PAIP2: variants seen among roughly 807,000 people sequenced by gnomAD.
PAIP2 encodes the protein polyadenylate-binding protein-interacting protein 2.
PAIP2 carries 7 observed loss-of-function variants against 14.8 expected under a neutral mutation model. That is an observed-to-expected ratio of 0.47 (90% CI 0.27 to 0.89). PAIP2 has a LOEUF of 0.89. Ranked by LOEUF, PAIP2 falls within the 40% of genes least tolerant of loss-of-function variation. The pLI, the probability that PAIP2 is intolerant of heterozygous loss-of-function variation, is 0.13. For missense variants in PAIP2, 122 were observed against 154.7 expected, an observed-to-expected ratio of 0.79 and a Z score of 1.12; for synonymous variants, 47 against 45.3, an observed-to-expected ratio of 1.04 and a Z score of -0.15.
At chr5:139,343,650 C>T (rs1256422949) in intron 1 of PAIP2, among the ~76,000 whole-genome samples, 1 of 150,556 alleles carries the variant, frequency 6.6e-6, no homozygotes, top group African/African-American at 2.4e-5. Flanking sequence ...AAAACATTTT[C>T]TTGTAATTTA....
intron 2 of PAIP2, among the ~76,000 whole-genome samples, 192 bp from the exon 3 acceptor site, chr5:139,364,372 G>A (rs1757155705): frequency 6.6e-6 from 1 of 152,014 alleles, no homozygotes; most frequent in South Asian, 2.1e-4. Flanking sequence ...ACTAATAAAA[G>A]TAAAAACATA....
intron 1 of PAIP2, chr5:139,342,446 G>A (rs1037672712): frequency 6.6e-6 from 1 of 152,150 alleles, no homozygotes; most frequent in African/African-American, 2.4e-5. Context: ...CCGAGGCTGG[G>A]GTTTGGGGAG....
At chr5:139,342,160 C>T (rs1437467407) in intron 1 of PAIP2, among the ~76,000 whole-genome samples, 180 bp downstream of exon 1, 1 of 152,114 alleles carries the variant, frequency 6.6e-6, no homozygotes, top group African/African-American at 2.4e-5. Context: ...CCGACTTCGT[C>T]TCTGTCTTCT....
intron 1 of PAIP2, among the ~76,000 whole-genome samples, chr5:139,354,330 A>G (rs1378088408): frequency 1.3e-5 from 2 of 151,960 alleles, no homozygotes; most frequent in African/African-American, 2.4e-5. Flanking sequence ...TTCTTTCAGC[A>G]TTTTGAATAT....
At chr5:139,347,570 G>A (rs1756591114) in intron 1 of PAIP2, among the ~76,000 whole-genome samples, 1 of 152,026 alleles carries the variant, frequency 6.6e-6, no homozygotes, top group Admixed American at 6.6e-5. Context: ...CACCACGCCA[G>A]GCCATACAAC....
chr5:139,354,524 GCTT>G lies in PAIP2; in HGVS notation c.-26-9231_-26-9229del, dbSNP rs1756847386. Among the ~76,000 whole-genome samples the G allele has an allele frequency of 2.6e-5, 4 of 152,250 alleles. No homozygotes were observed. The South Asian group carries it at 8.3e-4, about 32-fold the overall frequency. ...GTTTATCCTACTTTGGGTTAATTGA[GCTT>G]CTTAGATACATAGATTTGTGTCTTT... is the stretch of plus-strand genomic sequence containing the variant. On this transcript the variant is annotated intron_variant, in intron 1 of 3. Transcript: ENST00000265192.
intron 1 of PAIP2, among the ~76,000 whole-genome samples, chr5:139,352,364 A>G (rs1002361198): frequency 2.0e-5 from 3 of 151,852 alleles, no homozygotes; most frequent in African/African-American, 7.3e-5. Context: ...AATACTGAAC[A>G]TTTTTTATTT....
At chr5:139,366,761 T>C (rs1242181926) in intron 3 of PAIP2, among the ~76,000 whole-genome samples, 1 of 152,216 alleles carries the variant, frequency 6.6e-6, no homozygotes, top group African/African-American at 2.4e-5. Context: ...CAGAAAATTG[T>C]TCATTTAAGA....
intron 3 of PAIP2, among the ~76,000 whole-genome samples, chr5:139,368,064 G>A (rs1444049895): frequency 6.6e-6 from 1 of 152,040 alleles, no homozygotes; most frequent in East Asian, 1.9e-4. Flanking sequence ...GGCCGGGCGC[G>A]GTGGCTTACG....
chr5:139,367,902 T>C (rs939989783), intron 3 of PAIP2, among the ~76,000 whole-genome samples: 16 of 152,252 alleles, frequency 1.1e-4, no homozygotes, highest in African/African-American at 3.4e-4. Context: ...ATTTTCTCTT[T>C]AGAAAATTGA....
chr5:139,361,340 A>G (rs112484230), intron 1 of PAIP2, among the ~76,000 whole-genome samples: 5,055 of 152,192 alleles, frequency 0.033, 120 homozygotes, highest in Non-Finnish European at 0.048. Context: ...AGGGAAAAAA[A>G]TACATATATT....
At chr5:139,357,061 C>G (rs1439651026) in intron 1 of PAIP2, among the ~76,000 whole-genome samples, 3 of 152,112 alleles carry the variant, frequency 2.0e-5, no homozygotes, top group African/African-American at 7.2e-5. Context: ...AATCTCTCTT[C>G]CATTAGCTTA....
chr5:139,343,846 T>C (rs1260074620), intron 1 of PAIP2, among the ~76,000 whole-genome samples: 1 of 151,810 alleles, frequency 6.6e-6, no homozygotes, highest in African/African-American at 2.4e-5. Flanking sequence ...GCCTCCCTAG[T>C]AGCTGGGACT....
chr5:139,363,805 C>T lies in PAIP2; in HGVS notation c.21C>T (p.Ser7=), dbSNP rs927491251. The part of the protein sequence containing the change: MKDPSR[S]STSPSIINED... ...CAGCCATGAAAGATCCAAGTCGCAG[C>T]AGTACTAGCCCAAGCATCATCAATG... Residue 7 remains serine (S), a synonymous_variant, in exon 2 of 4, where the codon AGC becomes AGT. Coordinates refer to ENST00000265192, the MANE Select transcript of PAIP2 (RefSeq NM_016480.5). 10 of 1,613,702 alleles carry T rather than the reference C, an allele frequency of 6.2e-6. No homozygotes were observed. The highest frequency in any genetic ancestry group is 8.5e-6 in the Non-Finnish European group (10 of 1,179,834).
chr5:139,358,362 A>G (rs1313361469), intron 1 of PAIP2, among the ~76,000 whole-genome samples: 1 of 152,226 alleles, frequency 6.6e-6, no homozygotes, highest in African/African-American at 2.4e-5. Flanking sequence ...TAAGAAAAAT[A>G]TATACCACAT....
chr5:139,368,960 C>T lies in PAIP2; in HGVS notation c.*162C>T, dbSNP rs1757478205. On this transcript the variant is annotated 3_prime_UTR_variant, in exon 4 of 4. Transcript: ENST00000265192. Reference sequence around the variant, plus strand: ...CTTAATAAAAGTGCTGAGACTGTTACTAAGTAAAAAGCTGTCAAACATTTA... The same window carrying T: ...CTTAATAAAAGTGCTGAGACTGTTATTAAGTAAAAAGCTGTCAAACATTTA... 1.9e-6 allele frequency: 1 copy of T among 533,472 alleles called. No individual in the cohort carries two copies. The highest frequency in any genetic ancestry group is 3.4e-6 in the Non-Finnish European group (1 of 294,836). 33.0% of individuals were successfully genotyped at this position (533,472 alleles called of 1,614,324 possible). A position where few individuals can be genotyped will look rare whatever the true frequency, so the allele number is the denominator to read the frequency against.
intron 1 of PAIP2, among the ~76,000 whole-genome samples, chr5:139,343,708 GTT>G (rs61419083): frequency 3.8e-5 from 5 of 130,904 alleles, no homozygotes; most frequent in African/African-American, 2.9e-5. Context: ...GGCAGAGCAA[GTT>G]TTTTTTTTTT....
At chr5:139,358,057 G>A (rs1181464826) in intron 1 of PAIP2, among the ~76,000 whole-genome samples, 2 of 152,072 alleles carry the variant, frequency 1.3e-5, no homozygotes, top group Admixed American at 6.6e-5. Context: ...TGTAGAGATA[G>A]GGGTCTCACT....
chr5:139,366,076 GCCTGTAATCCCAGCTA>G (rs1450478316), intron 3 of PAIP2, among the ~76,000 whole-genome samples: 1 of 152,004 alleles, frequency 6.6e-6, no homozygotes, highest in Non-Finnish European at 1.5e-5. Context: ...GGTGGTGCGT[GCCTGTAATCCCAGCTA>G]CCTGGGAGGC....
Sources: gnomAD v4.1 joint callset for allele counts (sites outside exome capture counted in the v4.1 genomes callset) on GRCh38, gnomAD v4.1.1 for gene constraint, MANE v1.5 for transcripts, NCBI Gene and HGNC (gene_info 2026-07-23, HGNC 2026-07-21) for gene names.